The following ADD1 variants were observed in gnomAD, a reference collection of about 807,000 sequenced individuals.
The protein encoded by ADD1 is adducin 1.
In ADD1, 24 loss-of-function variants were observed where a neutral mutation model predicts 80.5. The observed-to-expected ratio is 0.30, with a 90% CI of 0.22 to 0.42. The LOEUF is 0.42. ADD1 is among the 10% of genes least tolerant of loss of function. The pLI is 1.00. For synonymous variants in ADD1, 373 were observed against 393.8 expected (o/e 0.95, Z 0.63); for missense variants, 948 against 1,019.0 (o/e 0.93, Z 0.95).
Position 2,897,937 on chromosome 4 carries a change from T to C in ADD1, c.742-247T>C, listed in dbSNP as rs570477762. ...CAGGTTTACATAGCACTTATATCAG[T>C]GGGAAAAAGTCTAGAAAGATGTGGA... On this transcript the variant is annotated intron_variant, in intron 6 of 15. Transcript: ENST00000683351. Among the ~76,000 whole-genome samples the C allele has an allele frequency of 2.0e-5, 3 of 152,288 alleles. No individual in the cohort carries two copies. In the South Asian group the frequency reaches 6.2e-4, roughly 32 times the overall value.
chr4:2,894,711 C>G lies in ADD1; in HGVS notation c.721C>G (p.His241Asp), dbSNP rs758808864. The G allele has an allele frequency of 1.2e-6, 2 of 1,602,504 alleles. No individual in the cohort carries two copies. The highest frequency in any genetic ancestry group is 1.8e-5 in the Admixed American group (1 of 56,526). ...RPDVKCVVHIHTPAGAAVSAM... is the reference protein window; with the variant it reads ...RPDVKCVVHIDTPAGAAVSAM... The stretch of plus-strand genomic sequence containing the variant: ...GGACGTGAAGTGCGTCGTGCACATT[C>G]ACACCCCAGCAGGGGCTGCGGTGAG... Residue 241 changes from histidine to aspartate, a missense_variant, in exon 6 of 16, where the codon CAC becomes GAC. By Grantham distance (81) the His-to-Asp change is moderately conservative. Transcript: ENST00000683351.
intron 4 of ADD1, among the ~76,000 whole-genome samples, chr4:2,890,194 A>C (rs1421073427): frequency 6.9e-6 from 1 of 144,274 alleles, no homozygotes; most frequent in East Asian, 2.0e-4. Flanking sequence ...ACTCCGTCTC[A>C]AAAAAAAAAA....
chr4:2,890,356 G>A (rs568341805), intron 4 of ADD1, among the ~76,000 whole-genome samples: 5 of 152,248 alleles, frequency 3.3e-5, no homozygotes, highest in Non-Finnish European at 1.5e-5. Context: ...TGGTCACCAG[G>A]AAATTATAAA....
At chr4:2,916,532 C>T (rs926597174) in intron 14 of ADD1, among the ~76,000 whole-genome samples, 1 of 151,734 alleles carries the variant, frequency 6.6e-6, no homozygotes, top group African/African-American at 2.4e-5. Context: ...CTCTCTCTCT[C>T]TTTTTTTTAA....
intron 2 of ADD1, among the ~76,000 whole-genome samples, chr4:2,878,922 A>G (rs1731784041): frequency 6.6e-6 from 1 of 152,134 alleles, no homozygotes; most frequent in Non-Finnish European, 1.5e-5. Flanking sequence ...AATGGATGGA[A>G]GAAAGTGTGA....
intron 1 of ADD1, among the ~76,000 whole-genome samples, chr4:2,849,742 T>C (rs762927252): frequency 2.6e-5 from 4 of 152,234 alleles, no homozygotes; most frequent in Admixed American, 6.5e-5. Flanking sequence ...ATCTGCACAC[T>C]GTCGCTTGAA....
chr4:2,858,143 T>G (rs1017382668), intron 1 of ADD1, among the ~76,000 whole-genome samples: 2 of 152,186 alleles, frequency 1.3e-5, no homozygotes, highest in Non-Finnish European at 2.9e-5. Flanking sequence ...GGTGGAGATA[T>G]GTGTCCCCCT....
chr4:2,899,563 A>G (rs1048357411), intron 9 of ADD1, 128 bp downstream of exon 9: 1 of 1,000,818 alleles, frequency 1.0e-6, no homozygotes, highest in South Asian at 1.4e-5. Flanking sequence ...AAAGTCATGA[A>G]GAAGCACTAG....
chr4:2,917,930 G>A (rs1364602598), intron 14 of ADD1, among the ~76,000 whole-genome samples: 1 of 152,140 alleles, frequency 6.6e-6, no homozygotes, highest in Non-Finnish European at 1.5e-5. Context: ...CTGTAGCCTT[G>A]TAGTATAGTT....
Position 2,853,107 on chromosome 4 carries a change from CT to C in ADD1, c.-21+9102del, listed in dbSNP as rs1057511241. ...TAACTTTTTAGAAGTTGGTCACTTA[CT>C]TTTTTTTTTTTTTTTTTTGAGACAG... On this transcript the variant is annotated intron_variant, in intron 1 of 15. Transcript: ENST00000683351. 2.3e-3 allele frequency: 304 copies of C among 133,052 alleles called. 1 individual carries two copies. The highest frequency in any genetic ancestry group is 6.1e-3 in the East Asian group (28 of 4,576). 8.2% of individuals were successfully genotyped at this position (133,052 alleles called of 1,614,324 possible).
rs142026460 is a variant in ADD1 at position 2,906,106 on chromosome 4, A to G, written c.1506+998A>G. Among the ~76,000 whole-genome samples the G allele has an allele frequency of 2.6e-5, 4 of 152,300 alleles. No homozygotes were observed. In the East Asian group the frequency reaches 7.7e-4, roughly 29 times the overall value. ...AGTGGGGCTTTCTTTTCCCCTTGTA[A>G]CAGTGTTTTACTTTATAGATTTATT... On this transcript the variant is annotated intron_variant, in intron 10 of 15. Coordinates refer to ENST00000683351, the MANE Select transcript of ADD1 (RefSeq NM_001354761.2).
At chr4:2,886,009 TG>T (rs1304331693) in intron 4 of ADD1, among the ~76,000 whole-genome samples, 8 of 152,236 alleles carry the variant, frequency 5.3e-5, no homozygotes, top group Non-Finnish European at 1.0e-4. Flanking sequence ...TTCCTTCCTT[TG>T]GTTTTGAAAC....
chr4:2,879,608 A>G (rs10488838), intron 2 of ADD1, among the ~76,000 whole-genome samples: 2,653 of 151,654 alleles, frequency 0.017, 56 homozygotes, highest in African/African-American at 0.046. Flanking sequence ...AGGAGATGCC[A>G]TCTGTATCTC....
intron 2 of ADD1, among the ~76,000 whole-genome samples, chr4:2,879,110 C>G (rs1029475676): frequency 6.6e-6 from 1 of 151,938 alleles, no homozygotes; most frequent in African/African-American, 2.4e-5. Context: ...TATGAGGGTC[C>G]CAAACTGAGG....
rs1196172698 is a variant in ADD1, at chr4:2,929,012, C to T, written c.*489C>T. On this transcript the variant is annotated 3_prime_UTR_variant, in exon 16 of 16. Coordinates refer to ENST00000683351, the MANE Select transcript of ADD1 (RefSeq NM_001354761.2). The stretch of plus-strand genomic sequence containing the variant: ...TTAAATCTATATACAAAGCCTTGGT[C>T]CCGTGAAAACACTCGTGTGCCCACC... 6.3e-6 allele frequency: 1 copy of T among 157,816 alleles called. No homozygotes were observed. The highest frequency in any genetic ancestry group is 1.9e-4 in the East Asian group (1 of 5,212). The allele number at this position is 157,816 out of a possible 1,614,324, so 9.8% of individuals were successfully genotyped here.
At chr4:2,911,448 A>ATATATTT (rs553567632) in intron 13 of ADD1, among the ~76,000 whole-genome samples, 1 of 130,520 alleles carries the variant, frequency 7.7e-6, no homozygotes, top group African/African-American at 3.0e-5. Context: ...ATATATATAT[A>ATATATTT]TTTTTTTTTT....
At chr4:2,903,123 G>C (rs984219765) in intron 9 of ADD1, among the ~76,000 whole-genome samples, 3 of 152,174 alleles carry the variant, frequency 2.0e-5, no homozygotes, top group Non-Finnish European at 4.4e-5. Context: ...AGAGGGGAGA[G>C]AGAATTCTGA....
chr4:2,897,877 T>C (rs993322084), intron 6 of ADD1, among the ~76,000 whole-genome samples: 4 of 152,170 alleles, frequency 2.6e-5, no homozygotes, highest in Non-Finnish European at 5.9e-5. Context: ...GTCTGCTCCT[T>C]GCACTAGATG....
intron 14 of ADD1, among the ~76,000 whole-genome samples, chr4:2,923,620 CG>C (rs2109202002): frequency 6.6e-6 from 1 of 152,378 alleles, no homozygotes; most frequent in East Asian, 1.9e-4. Flanking sequence ...TGTCTCTTTA[CG>C]AACACAGTAT....
Sources: allele counts gnomAD v4.1 joint callset (sites outside exome capture counted in the v4.1 genomes callset), GRCh38; gene constraint gnomAD v4.1.1; transcripts MANE v1.5; gene names NCBI Gene and HGNC (gene_info 2026-07-23, HGNC 2026-07-21).